Variants in AGPAT3 observed in about 807,000 individuals in gnomAD.
The protein encoded by AGPAT3 is 1-acyl-sn-glycerol-3-phosphate acyltransferase gamma.
AGPAT3 carries 5 observed loss-of-function variants against 47.3 expected under a neutral mutation model. The observed-to-expected ratio is 0.11, with a 90% CI of 0.06 to 0.22. The LOEUF is 0.22. Ranked by LOEUF, AGPAT3 falls within the 10% of genes least tolerant of loss-of-function variation. AGPAT3 has a pLI of 1.00. For synonymous variants in AGPAT3, 212 were observed against 208.3 expected (o/e 1.02, Z -0.15); for missense variants, 315 against 493.0 (o/e 0.64, Z 3.42).
At chr21:43,935,752 G>A (rs535613659) in intron 2 of AGPAT3, among the ~76,000 whole-genome samples, 3 of 152,210 alleles carry the variant, frequency 2.0e-5, no homozygotes, top group East Asian at 1.9e-4. Context: ...TGACCCAGGC[G>A]TGGGGCAGGA....
At chr21:43,925,913 T>C (rs986159285) in intron 2 of AGPAT3, among the ~76,000 whole-genome samples, 6 of 152,204 alleles carry the variant, frequency 3.9e-5, no homozygotes, top group Non-Finnish European at 8.8e-5. Context: ...AGCTGGCCTC[T>C]CTGGTGTGGT....
chr21:43,978,609 CCTT>C (rs1205803415), intron 8 of AGPAT3, among the ~76,000 whole-genome samples: 1 of 152,222 alleles, frequency 6.6e-6, no homozygotes, highest in Non-Finnish European at 1.5e-5. Flanking sequence ...ACACCTGGTC[CCTT>C]CTTCTTAATG....
At chr21:43,901,486 A>G (rs552262824) in intron 1 of AGPAT3, among the ~76,000 whole-genome samples, 7 of 151,794 alleles carry the variant, frequency 4.6e-5, no homozygotes, top group African/African-American at 1.7e-4. Context: ...TGGAAGATAT[A>G]AAAAAAAGAC....
intron 1 of AGPAT3, among the ~76,000 whole-genome samples, chr21:43,879,813 C>T (rs939997894): frequency 1.3e-5 from 2 of 152,140 alleles, no homozygotes; most frequent in African/African-American, 2.4e-5. Context: ...ATGAGCACCA[C>T]GTTGAAAAGC....
intron 2 of AGPAT3, among the ~76,000 whole-genome samples, chr21:43,911,470 C>G (rs1665699725): frequency 6.6e-6 from 1 of 152,250 alleles, no homozygotes; most frequent in South Asian, 2.1e-4. Context: ...GGGAAGATTG[C>G]AACACTGGCC....
At chr21:43,894,239 C>A (rs1343815581) in intron 1 of AGPAT3, among the ~76,000 whole-genome samples, 1 of 138,058 alleles carries the variant, frequency 7.2e-6, no homozygotes, top group African/African-American at 2.6e-5. Flanking sequence ...TTTTTAACTT[C>A]TCTAAAAGAG....
intron 8 of AGPAT3, among the ~76,000 whole-genome samples, chr21:43,980,144 T>C (rs1014646991): frequency 6.6e-5 from 10 of 151,484 alleles, no homozygotes; most frequent in African/African-American, 2.2e-4. Context: ...AGCGCAGTAG[T>C]GGGCACCTGT....
At chr21:43,943,977 G>A (rs2087766580) in intron 2 of AGPAT3, among the ~76,000 whole-genome samples, 1 of 152,238 alleles carries the variant, frequency 6.6e-6, no homozygotes, top group South Asian at 2.1e-4. Flanking sequence ...AGCTTCGGGA[G>A]GGTTCCATGA....
chr21:43,909,961 G>T (rs1166563788), intron 2 of AGPAT3, among the ~76,000 whole-genome samples: 2 of 152,186 alleles, frequency 1.3e-5, no homozygotes, highest in Admixed American at 1.3e-4. Flanking sequence ...GCACCAGGGT[G>T]CCCCAGGACA....
At chr21:43,900,191 G>C (rs1199262240) in intron 1 of AGPAT3, among the ~76,000 whole-genome samples, 3 of 152,188 alleles carry the variant, frequency 2.0e-5, no homozygotes, top group Admixed American at 1.3e-4. Flanking sequence ...TTAGACATAG[G>C]TCAGTGTGTC....
At chr21:43,906,654 G>A (rs2086503641) in intron 2 of AGPAT3, among the ~76,000 whole-genome samples, 2 of 152,182 alleles carry the variant, frequency 1.3e-5, no homozygotes, top group African/African-American at 4.8e-5. Flanking sequence ...TTCTAAAGCG[G>A]AGCAAACCCA....
intron 3 of AGPAT3, chr21:43,967,702 G>A (rs1048717705): frequency 2.0e-6 from 1 of 491,550 alleles, no homozygotes; most frequent in Non-Finnish European, 3.6e-6. Flanking sequence ...AAAGATCAGC[G>A]TCTCCATGCA....
At chr21:43,872,011 A>G (rs1305117351) in intron 1 of AGPAT3, among the ~76,000 whole-genome samples, 3 of 152,146 alleles carry the variant, frequency 2.0e-5, no homozygotes, top group African/African-American at 7.2e-5. Flanking sequence ...TAGAAGTTGT[A>G]AAGTTTGCTT....
Position 43,970,574 on chromosome 21 carries a change from TCA to T in AGPAT3, c.511-78_511-77del. 2 of 1,484,558 alleles carry T rather than the reference TCA, an allele frequency of 1.3e-6. No individual in the cohort carries two copies. The highest frequency in any genetic ancestry group is 1.9e-5 in the Admixed American group (1 of 52,474). The allele number at this position is 1,484,558 out of a possible 1,614,324, so 92.0% of individuals were successfully genotyped here. A position where few individuals can be genotyped will look rare whatever the true frequency, so the allele number is the denominator to read the frequency against. On this transcript the variant is annotated intron_variant, in intron 5 of 9. Transcript: ENST00000291572. The surrounding 1 kb of genome is among the most constrained non-coding windows in gnomAD (Gnocchi z 5.8). ...ATTCAGCCACAACCTTTGCTGCCTG[TCA>T]GAGAGGCAGGCCTGGCCTGGACATG... is the stretch of plus-strand genomic sequence containing the variant.
chr21:43,980,662 G>C (rs1259489602), intron 8 of AGPAT3, among the ~76,000 whole-genome samples: 1 of 152,264 alleles, frequency 6.6e-6, no homozygotes, highest in Non-Finnish European at 1.5e-5. Flanking sequence ...CTCGTGGGAG[G>C]TGTGGGATGT....
intron 1 of AGPAT3, among the ~76,000 whole-genome samples, chr21:43,901,786 A>T (rs2086364274): frequency 6.6e-6 from 1 of 152,178 alleles, no homozygotes; most frequent in Non-Finnish European, 1.5e-5. Flanking sequence ...AAGAAAAAAG[A>T]CCCAAATAAA....
At position 43,965,610 on chromosome 21, in the gene AGPAT3, TTTG is replaced by T. The variant is rs1555911033; in HGVS notation, c.179-2321_179-2319del. 1.0e-4 allele frequency: 16 copies of T among 152,534 alleles called. 1 individual carries two copies. The South Asian group carries it at 1.2e-3, about 12-fold the overall frequency. 9.4% of individuals were successfully genotyped at this position (152,534 alleles called of 1,614,324 possible). ...ATTATTGGGTGAATTTTAGGTTTTT[TTTG>T]TTGTTGTTGTTGTTTTGAGACAGAG... On this transcript the variant is annotated intron_variant, in intron 3 of 9. Transcript: ENST00000291572.
chr21:43,921,117 AAACAAAACAAGACAAAAC>A (rs1470459914), intron 2 of AGPAT3, among the ~76,000 whole-genome samples: 1 of 152,182 alleles, frequency 6.6e-6, no homozygotes, highest in Admixed American at 6.5e-5. Flanking sequence ...TGCCTCAAAA[AAACAAAACAAGACAAAAC>A]AGTAAATGTG....
chr21:43,865,940 C>A (rs532094816), intron 1 of AGPAT3, among the ~76,000 whole-genome samples: 3 of 152,000 alleles, frequency 2.0e-5, no homozygotes, highest in Admixed American at 6.6e-5. Flanking sequence ...GCTGTGGGTT[C>A]GGCCCGGAGA....
Sources: allele counts gnomAD v4.1 joint callset (sites outside exome capture counted in the v4.1 genomes callset), GRCh38; gene constraint gnomAD v4.1.1; non-coding constraint Gnocchi (gnomAD v3.1); transcripts MANE v1.5; gene names NCBI Gene and HGNC (gene_info 2026-07-23, HGNC 2026-07-21).